The following DDB1 variants were observed in gnomAD, a reference collection of about 807,000 sequenced individuals.
DDB1 encodes DNA damage-binding protein 1.
Under a neutral mutation model 133.1 loss-of-function variants are expected in DDB1, and 18 were observed. The observed-to-expected ratio is 0.14, with a 90% CI of 0.09 to 0.20. The LOEUF (loss-of-function observed/expected upper bound fraction) is 0.20, where lower values mean the gene tolerates loss of function less well. Ranked by LOEUF, DDB1 falls within the 10% of genes least tolerant of loss-of-function variation. The pLI is 1.00. For missense variants in DDB1, 828 were observed against 1,459.2 expected (o/e 0.57, Z 7.05); for synonymous variants, 580 against 550.5 (o/e 1.05, Z -0.75).
Position 61,302,741 on chromosome 11 carries a change from T to A in DDB1, c.2953A>T (p.Thr985Ser). 4 of 1,614,210 alleles carry A rather than the reference T, an allele frequency of 2.5e-6. No individual in the cohort carries two copies. The highest frequency in any genetic ancestry group is 1.6e-4 in the Middle Eastern group (1 of 6,062). The change falls in exon 24 of 27, where the codon ACT (threonine) becomes TCT (serine). Residue 985 changes from threonine to serine, a missense_variant. Thr to Ser is a moderately conservative substitution (Grantham distance 58). This residue lies in a region of DDB1 where 116 missense variants were observed against 221.6 expected (regional missense o/e 0.52). Transcript: ENST00000301764. Reference sequence around the variant, plus strand: ...TGGAGGTGCTGCCGCTCCTCGTCAGTGGTGGCAGCGCTGAAAGGCGGTAAG... The same window carrying A: ...TGGAGGTGCTGCCGCTCCTCGTCAGAGGTGGCAGCGCTGAAAGGCGGTAAG... ...FVCQKDSAAT[T>S]DEERQHLQEV...
chr11:61,316,982 T>G lies in DDB1; in HGVS notation c.1226-415A>C, dbSNP rs866377512. On this transcript the variant is annotated intron_variant, in intron 10 of 26. Transcript: ENST00000301764. ...ATATATATATATATATATATATATA[T>G]ATATATATATATATATAGACATGGC... Among the ~76,000 whole-genome samples, 247 of 72,508 alleles carry G rather than the reference T, an allele frequency of 3.4e-3. 21 individuals are homozygous for G. Among genetic ancestry groups the G allele is most frequent in the African/African-American group, 8.9e-3 (217 of 24,516 alleles). The allele number at this position is 72,508 out of a possible 152,430, so 47.6% of individuals were successfully genotyped here.
chr11:61,322,864 T>G, intron 8 of DDB1, 147 bp downstream of exon 8: 1 of 676,998 alleles, frequency 1.5e-6, no homozygotes, highest in Non-Finnish European at 2.5e-6. Context: ...TAGTCAGGGG[T>G]AGGATGTTAA....
Position 61,302,081 on chromosome 11 carries a change from C to G in DDB1, c.3215+176G>C. On this transcript the variant is annotated intron_variant, in intron 25 of 26. Coordinates refer to ENST00000301764, the MANE Select transcript of DDB1 (RefSeq NM_001923.5). ...GTACTTTGGGAGTCAATATACTGTT[C>G]TATTGTGTATGTTTGAAATTTTCCA... 4 of 594,946 alleles carry G rather than the reference C, an allele frequency of 6.7e-6. No homozygotes were observed. The South Asian group carries it at 8.0e-5, about 12-fold the overall frequency. The allele number at this position is 594,946 out of a possible 1,614,324, so 36.9% of individuals were successfully genotyped here.
chr11:61,327,207 C>T (rs1300533285), intron 4 of DDB1, among the ~76,000 whole-genome samples: 1 of 152,174 alleles, frequency 6.6e-6, no homozygotes, highest in Non-Finnish European at 1.5e-5. Flanking sequence ...CAGTGGCTCA[C>T]GCCTGTAATC....
chr11:61,302,764 A>G lies in DDB1; in HGVS notation c.2943-13T>C, dbSNP rs2134892835. 3.7e-6 allele frequency: 6 copies of G among 1,614,030 alleles called. No individual in the cohort carries two copies. The highest frequency in any genetic ancestry group is 4.2e-6 in the Non-Finnish European group (5 of 1,179,918). On this transcript the variant is annotated splice_polypyrimidine_tract_variant and intron_variant, in intron 23 of 26. Transcript: ENST00000301764. ...AGTGGTGGCAGCGCTGAAAGGCGGT[A>G]AGAAAGTCACTTTCTGAACCTCCTG...
rs796454078 is a variant in DDB1, at chr11:61,309,199, AAC to A, written c.2567-124_2567-123del. On this transcript the variant is annotated intron_variant, in intron 20 of 26. Coordinates refer to ENST00000301764, the MANE Select transcript of DDB1 (RefSeq NM_001923.5). ...CCCAAAACCACTCATCTAAAAAAAC[AAC>A]ACAGACTCAGTATCTACTGGAGTTA... 2.6e-4 allele frequency: 216 copies of A among 836,432 alleles called. No individual in the cohort carries two copies. In the African/African-American group the frequency reaches 3.1e-3, roughly 12 times the overall value. 51.8% of individuals were successfully genotyped at this position (836,432 alleles called of 1,614,324 possible). A position where few individuals can be genotyped will look rare whatever the true frequency, so the allele number is the denominator to read the frequency against.
At chr11:61,310,568 T>C (rs1047865129) in intron 18 of DDB1, 150 bp from the exon 19 acceptor site, 17 of 830,130 alleles carry the variant, frequency 2.0e-5, no homozygotes, top group Non-Finnish European at 3.5e-6. Flanking sequence ...GAGGAGAGTG[T>C]TTCAGAGGAG....
At chr11:61,312,949 A>C (rs1856002651) in intron 16 of DDB1, among the ~76,000 whole-genome samples, 1 of 152,134 alleles carries the variant, frequency 6.6e-6, no homozygotes, top group Non-Finnish European at 1.5e-5. Context: ...AGTAGCTGGG[A>C]TTACAGGCAC....
chr11:61,318,907 C>A (rs1025086859), intron 10 of DDB1, among the ~76,000 whole-genome samples: 5 of 152,174 alleles, frequency 3.3e-5, no homozygotes, highest in Admixed American at 6.5e-5. Context: ...TTTATTAGGT[C>A]CCAACTTTAG....
At chr11:61,305,223 G>C (rs909242511) in intron 21 of DDB1, among the ~76,000 whole-genome samples, 1 of 152,212 alleles carries the variant, frequency 6.6e-6, no homozygotes, top group Admixed American at 6.5e-5. Flanking sequence ...TAATTACAAT[G>C]GTTGGCGGGG....
intron 22 of DDB1, 119 bp from the exon 23 acceptor site, chr11:61,303,274 G>T: frequency 1.1e-6 from 1 of 888,188 alleles, no homozygotes; most frequent in Non-Finnish European, 1.8e-6. Flanking sequence ...GATATAGCAT[G>T]GTGTTCAACA....
At chr11:61,326,757 A>G (rs776818396) in intron 5 of DDB1, 22 bp downstream of exon 5, 2 of 1,604,846 alleles carry the variant, frequency 1.2e-6, no homozygotes, top group Admixed American at 3.3e-5. Context: ...GTGGAGGCAC[A>G]TTTCCTAAAC....
chr11:61,317,510 T>C (rs926393828), intron 10 of DDB1, among the ~76,000 whole-genome samples: 1 of 152,188 alleles, frequency 6.6e-6, no homozygotes, highest in Non-Finnish European at 1.5e-5. Flanking sequence ...TATTTATTTA[T>C]TTACTTATTT....
intron 18 of DDB1, chr11:61,310,833 G>C (rs1855953546): frequency 6.4e-6 from 1 of 156,566 alleles, no homozygotes; most frequent in African/African-American, 2.4e-5. Flanking sequence ...GAGAATACAT[G>C]GAAGAAAATG....
At chr11:61,323,342 G>A in intron 7 of DDB1, 1 of 507,152 alleles carries the variant, frequency 2.0e-6, no homozygotes, top group Admixed American at 3.3e-5. Flanking sequence ...TGCTCCAAAA[G>A]ATACTGCCTA....
chr11:61,322,937 C>G (rs945918347), intron 8 of DDB1, 74 bp downstream of exon 8: 3 of 1,241,562 alleles, frequency 2.4e-6, no homozygotes, highest in Non-Finnish European at 3.4e-6. Flanking sequence ...CTGAGAGGTG[C>G]CAAACATAGG....
intron 10 of DDB1, among the ~76,000 whole-genome samples, chr11:61,317,870 A>G (rs140181336): frequency 1.0e-3 from 156 of 152,232 alleles, no homozygotes; most frequent in Admixed American, 1.8e-3. Context: ...CCCATCCCCC[A>G]AACAAGTAAT....
chr11:61,332,666 C>G, intron 1 of DDB1: 2 of 399,122 alleles, frequency 5.0e-6, no homozygotes, highest in Non-Finnish European at 8.9e-6. Flanking sequence ...GCCCTGTTCT[C>G]GAGGCCGAAT....
At chr11:61,300,245 G>A in intron 26 of DDB1, 26 bp from the exon 27 acceptor site, 1 of 1,610,856 alleles carries the variant, frequency 6.2e-7, no homozygotes, top group Middle Eastern at 1.7e-4. Context: ...GGGCGGGGCT[G>A]TGAGGACCAA....
Sources: gnomAD v4.1 joint callset for allele counts (sites outside exome capture counted in the v4.1 genomes callset) on GRCh38, gnomAD v4.1.1 for gene constraint, gnomAD v4.1.1 regional missense constraint, MANE v1.5 for transcripts, NCBI Gene and HGNC (gene_info 2026-07-23, HGNC 2026-07-21) for gene names.